ELOA: variants seen among roughly 807,000 people sequenced by gnomAD.
ELOA encodes elongin A.
In ELOA, 15 loss-of-function variants were observed where a neutral mutation model predicts 85.2. That is an observed-to-expected ratio of 0.18 (90% CI 0.12 to 0.27). The LOEUF (loss-of-function observed/expected upper bound fraction) is 0.27, where lower values mean the gene tolerates loss of function less well. Among genes scored for constraint, ELOA ranks in the 10% least tolerant of loss-of-function variants. The probability of loss-of-function intolerance (pLI) is 1.00; values close to 1 mark genes in which losing one functional copy is unlikely to be tolerated. For synonymous variants in ELOA, 348 were observed against 357.2 expected (o/e 0.97, Z 0.29); for missense variants, 769 against 952.7 (o/e 0.81, Z 2.54).
At chr1:23,746,766 A>G (rs1644749114) in intron 1 of ELOA, among the ~76,000 whole-genome samples, 1 of 152,156 alleles carries the variant, frequency 6.6e-6, no homozygotes, top group Admixed American at 6.5e-5. Flanking sequence ...CTCAACATGT[A>G]CCTTGCAAAT....
intron 8 of ELOA, 68 bp from the exon 9 acceptor site, chr1:23,756,206 G>C: frequency 6.8e-7 from 1 of 1,475,284 alleles, no homozygotes; most frequent in Non-Finnish European, 9.1e-7. Flanking sequence ...CAAAAAGCCC[G>C]TGGATTATTT....
At position 23,751,999 on chromosome 1, in the gene ELOA, C is replaced by A; in HGVS notation, c.1394C>A (p.Pro465Gln). The change falls in exon 4 of 11, where the codon CCG becomes CAG. Residue 465 changes from proline (P) to glutamine (Q), a missense_variant. This residue lies in a region of ELOA where 193 missense variants were observed against 278.9 expected (regional missense o/e 0.69). Transcript: ENST00000613537. ...GTGAACAAAACCAAGTCAGAGAAGC[C>A]GGCTGGAGCTGATTTAGCCAAGCTG... ...PKVNKTKSEK[P>Q]AGADLAKLRK... The A allele has an allele frequency of 6.2e-7, 1 of 1,603,396 alleles. No individual in the cohort carries two copies. Among genetic ancestry groups the A allele is most frequent in the Non-Finnish European group, 8.5e-7 (1 of 1,177,406 alleles).
At chr1:23,752,867 T>G (rs1644778068) in intron 5 of ELOA, among the ~76,000 whole-genome samples, 1 of 151,886 alleles carries the variant, frequency 6.6e-6, no homozygotes. Context: ...TGCTTGAACC[T>G]GGGAGGTGGA....
Position 23,751,541 on chromosome 1 carries a change from GT to G in ELOA, c.937del (p.Cys313ValfsTer13). 6.2e-7 allele frequency: 1 copy of G among 1,614,142 alleles called. No individual in the cohort carries two copies. Among genetic ancestry groups the G allele is most frequent in the Non-Finnish European group, 8.5e-7 (1 of 1,180,030 alleles). ...GAGAGGGCAGCAGCCTGAAGAAGAA[GT>G]GTTTGCCTCCCTCAGAGGCCGCTTC... ...DREGSSLKKKCLPPSEAASDN... is the reference protein window; with the variant it reads ...DREGSSLKKKXLPPSEAASDN... On this transcript the variant is annotated frameshift_variant, in exon 4 of 11. Coordinates refer to ENST00000613537, the MANE Select transcript of ELOA (RefSeq NM_003198.3). LOFTEE classifies it high-confidence loss of function.
intron 1 of ELOA, among the ~76,000 whole-genome samples, chr1:23,744,746 C>T (rs1184772333): frequency 2.6e-5 from 4 of 152,196 alleles, no homozygotes; most frequent in African/African-American, 9.6e-5. Context: ...CATTCTCCGT[C>T]ATCATTCTGG....
At position 23,754,146 on chromosome 1, in the gene ELOA, C is replaced by T; in HGVS notation, c.1584C>T (p.Arg528=). The change falls in exon 6 of 11, where the codon CGC becomes CGT. Residue 528 remains arginine, a synonymous_variant. Coordinates refer to ENST00000613537, the MANE Select transcript of ELOA (RefSeq NM_003198.3). The part of the protein sequence containing the change: ...QEEEEAGFTG[R]RMNSKMQVYS... ...AAGAAGAAGCTGGATTTACTGGGCG[C>T]AGAATGAATTCCAAGATGCAGGTGT... 1 of 1,614,184 alleles carries T rather than the reference C, an allele frequency of 6.2e-7. No homozygotes were observed. The highest frequency in any genetic ancestry group is 8.5e-7 in the Non-Finnish European group (1 of 1,180,022).
In ELOA at chr1:23,751,719, C is replaced by G; in HGVS notation, c.1114C>G (p.Pro372Ala). The stretch of plus-strand genomic sequence containing the variant: ...GAAGGGTTCTAACAACCTAAAGACT[C>G]CAGAAGGGAAAGTCAAAACTAATTT... ...KEKGSNNLKT[P>A]EGKVKTNLDR... Residue 372 changes from proline to alanine, a missense_variant, in exon 4 of 11, where the codon CCA (proline) becomes GCA (alanine). By Grantham distance (27) the Pro-to-Ala change is conservative. Around this residue, in one of 4 missense-constraint regions of ELOA, gnomAD observed 440 missense variants for 474.0 expected, o/e 0.93. Transcript: ENST00000613537. 1 of 1,614,098 alleles carries G rather than the reference C, an allele frequency of 6.2e-7. No homozygotes were observed. Among genetic ancestry groups the G allele is most frequent in the Non-Finnish European group, 8.5e-7 (1 of 1,180,016 alleles).
chr1:23,743,999 G>A (rs1644735626), intron 1 of ELOA: 1 of 157,308 alleles, frequency 6.4e-6, no homozygotes, highest in Non-Finnish European at 1.4e-5. Context: ...TCCCCAGCGG[G>A]TGCGTGTTCG....
At position 23,750,965 on chromosome 1, in the gene ELOA, G is replaced by C. The variant is rs778457276; in HGVS notation, c.360G>C (p.Gly120=). 1.2e-6 allele frequency: 2 copies of C among 1,614,070 alleles called. No individual in the cohort carries two copies. The highest frequency in any genetic ancestry group is 1.7e-6 in the Non-Finnish European group (2 of 1,180,032). Residue 120 remains glycine, a synonymous_variant, in exon 4 of 11, where the codon GGG becomes GGC. Transcript: ENST00000613537. The part of the protein sequence containing the change: ...GDYQETWKAT[G]SRSYSPDHRQ... ...ACCAAGAAACCTGGAAAGCCACGGG[G>C]AGCCGATCCTATAGCCCTGACCACA...
chr1:23,746,203 A>G (rs1380014644), intron 1 of ELOA, among the ~76,000 whole-genome samples: 1 of 147,026 alleles, frequency 6.8e-6, no homozygotes, highest in African/African-American at 2.5e-5. Context: ...GCAGGAGAAC[A>G]CTCGAACCCG....
chr1:23,750,960 A>G lies in ELOA; in HGVS notation c.355A>G (p.Thr119Ala). The change falls in exon 4 of 11, where the codon ACG becomes GCG. Residue 119 changes from threonine to alanine, a missense_variant. Around this residue, in one of 4 missense-constraint regions of ELOA, gnomAD observed 440 missense variants for 474.0 expected, o/e 0.93. Coordinates refer to ENST00000613537, the MANE Select transcript of ELOA (RefSeq NM_003198.3). ...GGACTACCAAGAAACCTGGAAAGCC[A>G]CGGGGAGCCGATCCTATAGCCCTGA... ...EGDYQETWKA[T>A]GSRSYSPDHR... 6.2e-7 allele frequency: 1 copy of G among 1,614,048 alleles called. No homozygotes were observed. The highest frequency in any genetic ancestry group is 8.5e-7 in the Non-Finnish European group (1 of 1,180,024).
In ELOA at chr1:23,759,689, TC is replaced by T. The variant is rs1570596048; in HGVS notation, c.*118del. 2.4e-6 allele frequency: 3 copies of T among 1,256,382 alleles called. No individual in the cohort carries two copies. The highest frequency in any genetic ancestry group is 3.4e-6 in the Non-Finnish European group (3 of 873,668). The allele number at this position is 1,256,382 out of a possible 1,614,324, so 77.8% of individuals were successfully genotyped here. A position where few individuals can be genotyped will look rare whatever the true frequency, so the allele number is the denominator to read the frequency against. On this transcript the variant is annotated 3_prime_UTR_variant, in exon 11 of 11. Coordinates refer to ENST00000613537, the MANE Select transcript of ELOA (RefSeq NM_003198.3). ...TCTTGCTTTGTGGATCCTTTTGGTCTCCGAGTCCTGCAGTCTGCAGGTGCTG... is the reference window on the plus strand; with the variant it reads ...TCTTGCTTTGTGGATCCTTTTGGTCTCGAGTCCTGCAGTCTGCAGGTGCTG...
At chr1:23,750,450 G>T (rs530258083) in intron 3 of ELOA, among the ~76,000 whole-genome samples, 1 of 152,110 alleles carries the variant, frequency 6.6e-6, no homozygotes, top group African/African-American at 2.4e-5. Context: ...AAAGTGCTGG[G>T]ATTACAGGCG....
At position 23,756,968 on chromosome 1, in the gene ELOA, G is replaced by A. The variant is rs374095907; in HGVS notation, c.2100G>A (p.Pro700=). 61 of 1,547,400 alleles carry A rather than the reference G, an allele frequency of 3.9e-5. No individual in the cohort carries two copies. In the African/African-American group the frequency reaches 6.8e-4, roughly 17 times the overall value. Residue 700 remains proline (P), a synonymous_variant, in exon 10 of 11, where the codon CCG becomes CCA. Coordinates refer to ENST00000613537, the MANE Select transcript of ELOA (RefSeq NM_003198.3). ...TGTGTTGCAGGATCAAGCCAGCCCC[G>A]TACCCCATGGGAAGCAGCCATGCTT... ...VPEKIKIKPA[P]YPMGSSHASA...
chr1:23,755,680 T>C (rs1644791134), intron 7 of ELOA, among the ~76,000 whole-genome samples, 163 bp from the exon 8 acceptor site: 1 of 151,372 alleles, frequency 6.6e-6, no homozygotes, highest in Non-Finnish European at 1.5e-5. Flanking sequence ...CTTGAGAGGC[T>C]GAGGCGTGAG....
rs1278504175 is a variant in ELOA at position 23,751,814 on chromosome 1, A to T, written c.1209A>T (p.Pro403=). ...ATATGGAGGATGAATTCGAGCAGCC[A>T]ACCATGTCTTTTGAATCCTACCTCA... is the stretch of plus-strand genomic sequence containing the variant. The part of the protein sequence containing the change: ...ETDMEDEFEQ[P]TMSFESYLSY... Residue 403 remains proline (P), a synonymous_variant, in exon 4 of 11, where the codon CCA becomes CCT. Coordinates refer to ENST00000613537, the MANE Select transcript of ELOA (RefSeq NM_003198.3). The T allele has an allele frequency of 1.9e-6, 3 of 1,614,100 alleles. No individual in the cohort carries two copies. The highest frequency in any genetic ancestry group is 2.5e-6 in the Non-Finnish European group (3 of 1,180,058).
chr1:23,754,490 C>T (rs1318955412), intron 7 of ELOA, 30 bp downstream of exon 7: 1 of 1,578,046 alleles, frequency 6.3e-7, no homozygotes, highest in African/African-American at 1.3e-5. Flanking sequence ...GGGAAGAGGG[C>T]AGTTTTCTGG....
intron 4 of ELOA, among the ~76,000 whole-genome samples, 173 bp downstream of exon 4, chr1:23,752,203 A>G (rs914257817): frequency 3.3e-5 from 5 of 152,226 alleles, no homozygotes; most frequent in African/African-American, 1.2e-4. Flanking sequence ...GGTACCGCAA[A>G]TAAGAATTTT....
chr1:23,757,105 C>T lies in ELOA; in HGVS notation c.2237C>T (p.Pro746Leu), dbSNP rs1644797679. ...GTCAGCAGCACTGTTTCCTATGATC[C>T]TAGGAAACCCACTGTGAAGAGTAAG... Reference protein sequence around the residue: ...PVVSSTVSYDPRKPTVKKIAP... With the variant: ...PVVSSTVSYDLRKPTVKKIAP... The change falls in exon 10 of 11, where the codon CCT becomes CTT. Residue 746 changes from proline to leucine, a missense_variant. Pro to Leu is a moderately conservative substitution (Grantham distance 98). Coordinates refer to ENST00000613537, the MANE Select transcript of ELOA (RefSeq NM_003198.3). The T allele has an allele frequency of 1.3e-6, 2 of 1,570,036 alleles. No individual in the cohort carries two copies. Among genetic ancestry groups the T allele is most frequent in the Non-Finnish European group, 1.7e-6 (2 of 1,164,332 alleles).
Sources: gnomAD v4.1 joint callset for allele counts (sites outside exome capture counted in the v4.1 genomes callset) on GRCh38, gnomAD v4.1.1 for gene constraint, gnomAD v4.1.1 regional missense constraint, MANE v1.5 for transcripts, NCBI Gene and HGNC (gene_info 2026-07-23, HGNC 2026-07-21) for gene names.